ARHGAP44: variants seen among roughly 807,000 people sequenced by gnomAD.
ARHGAP44 encodes rho GTPase-activating protein 44.
ARHGAP44 carries 43 observed loss-of-function variants against 106.8 expected under a neutral mutation model. That is an observed-to-expected ratio of 0.40 (90% CI 0.32 to 0.52). ARHGAP44 has a LOEUF of 0.52. Among genes scored for constraint, ARHGAP44 ranks in the 20% least tolerant of loss-of-function variants. The pLI is 0.48. For missense variants in ARHGAP44, 866 were observed against 1,050.5 expected (o/e 0.82, Z 2.43); for synonymous variants, 439 against 410.3 (o/e 1.07, Z -0.85).
chr17:12,958,924 A>G lies in ARHGAP44; in HGVS notation c.1523+27A>G. On this transcript the variant is annotated intron_variant, in intron 16 of 20. Coordinates refer to ENST00000379672, the MANE Select transcript of ARHGAP44 (RefSeq NM_014859.6). The surrounding 1 kb of genome is among the most constrained non-coding windows in gnomAD (Gnocchi z 4.1). ...TATGAACTGGTGTCTCTTTCTCAGCACTGGGGATTAGGGGAGGTGGTGGGG... is the reference window on the plus strand; with the variant it reads ...TATGAACTGGTGTCTCTTTCTCAGCGCTGGGGATTAGGGGAGGTGGTGGGG... 1 of 1,587,626 alleles carries G rather than the reference A, an allele frequency of 6.3e-7. No individual in the cohort carries two copies. The highest frequency in any genetic ancestry group is 2.3e-5 in the East Asian group (1 of 43,966).
chr17:12,930,110 G>T (rs970565602), intron 7 of ARHGAP44, among the ~76,000 whole-genome samples: 2 of 152,224 alleles, frequency 1.3e-5, no homozygotes, highest in Admixed American at 1.3e-4. Context: ...GAGTGCAGCT[G>T]ATTTGTCATT....
chr17:12,816,498 G>T (rs2034601004), intron 1 of ARHGAP44, among the ~76,000 whole-genome samples: 1 of 152,152 alleles, frequency 6.6e-6, no homozygotes, highest in Non-Finnish European at 1.5e-5. Context: ...GCTTTAAGCT[G>T]TCATTATTTT....
intron 1 of ARHGAP44, among the ~76,000 whole-genome samples, chr17:12,852,526 T>A (rs2035782122): frequency 6.6e-6 from 1 of 150,896 alleles, no homozygotes; most frequent in Non-Finnish European, 1.5e-5. Flanking sequence ...TTGTTTTCTA[T>A]TCTCTTTGGT....
intron 1 of ARHGAP44, among the ~76,000 whole-genome samples, chr17:12,796,937 A>G (rs1212082062): frequency 6.6e-6 from 1 of 152,058 alleles, no homozygotes. Context: ...TTCTCTTGAC[A>G]TTAGTTGCCT....
intron 1 of ARHGAP44, among the ~76,000 whole-genome samples, chr17:12,795,876 C>G (rs1229661849): frequency 6.6e-6 from 1 of 152,064 alleles, no homozygotes; most frequent in African/African-American, 2.4e-5. Flanking sequence ...CAATTTCAAA[C>G]TCTTCTTTCT....
chr17:12,864,475 C>G lies in ARHGAP44; in HGVS notation c.54-30465C>G, dbSNP rs576260459. ...ATTAGGACATGATGAGTATTTGCAT[C>G]TAGTATTCTTCCAGTGCCTCACCTA... On this transcript the variant is annotated intron_variant, in intron 1 of 20. Coordinates refer to ENST00000379672, the MANE Select transcript of ARHGAP44 (RefSeq NM_014859.6). Among the ~76,000 whole-genome samples the G allele has an allele frequency of 3.9e-5, 6 of 152,184 alleles. No individual in the cohort carries two copies. The South Asian group carries it at 1.0e-3, about 26-fold the overall frequency.
Position 12,957,069 on chromosome 17 carries a change from C to A in ARHGAP44, c.1342+323C>A, listed in dbSNP as rs376700194. Among the ~76,000 whole-genome samples, 527 of 148,768 alleles carry A rather than the reference C, an allele frequency of 3.5e-3. 2 individuals are homozygous for A. The highest frequency in any genetic ancestry group is 0.01 in the African/African-American group (405 of 39,890). ...AGGTTCAAGCAATTCTCCTGCCTCA[C>A]CCCCTCTACCCACTGAGTAGCTGGG... On this transcript the variant is annotated intron_variant, in intron 15 of 20. Coordinates refer to ENST00000379672, the MANE Select transcript of ARHGAP44 (RefSeq NM_014859.6).
intron 1 of ARHGAP44, among the ~76,000 whole-genome samples, chr17:12,888,811 G>T (rs9906364): frequency 0.055 from 8,414 of 152,076 alleles, 264 homozygotes; most frequent in Admixed American, 0.084. Context: ...GTGTCTTAGT[G>T]GCTTGACCCT....
rs1239210021 is a variant in ARHGAP44 at position 12,928,990 on chromosome 17, G to T, written c.526G>T (p.Ala176Ser). 1 of 1,613,552 alleles carries T rather than the reference G, an allele frequency of 6.2e-7. No individual in the cohort carries two copies. Among genetic ancestry groups the T allele is most frequent in the South Asian group, 1.1e-5 (1 of 90,900 alleles). The change falls in exon 7 of 21, where the codon GCT (alanine) becomes TCT (serine). Residue 176 changes from alanine (A) to serine (S), a missense_variant. Transcript: ENST00000379672. ...CAGCTTACAGCCTGCGGGTGCCAAG[G>T]CTGATGCCCTCAGGGAAGAAATGGA... ...SSSLQPAGAK[A>S]DALREEMEEA...
At chr17:12,883,000 G>T (rs936615286) in intron 1 of ARHGAP44, among the ~76,000 whole-genome samples, 1 of 151,800 alleles carries the variant, frequency 6.6e-6, no homozygotes, top group Non-Finnish European at 1.5e-5. Context: ...AGTTTAGAAA[G>T]AAATATTTCT....
chr17:12,797,105 G>T (rs1406402050), intron 1 of ARHGAP44, among the ~76,000 whole-genome samples: 3 of 151,908 alleles, frequency 2.0e-5, no homozygotes, highest in African/African-American at 7.3e-5. Context: ...AATTTTTGTT[G>T]TATGTCTCTT....
chr17:12,954,089 G>T (rs1275358531), intron 13 of ARHGAP44, among the ~76,000 whole-genome samples: 4 of 151,334 alleles, frequency 2.6e-5, no homozygotes, highest in Admixed American at 2.0e-4. Flanking sequence ...GTAGAGACGG[G>T]GTTTCACCAT....
intron 1 of ARHGAP44, among the ~76,000 whole-genome samples, chr17:12,805,328 C>T (rs558302779): frequency 1.3e-5 from 2 of 152,240 alleles, no homozygotes; most frequent in East Asian, 1.9e-4. Context: ...GACTGGTGTC[C>T]ACAGTGCTTT....
At chr17:12,872,375 T>A (rs2036431723) in intron 1 of ARHGAP44, among the ~76,000 whole-genome samples, 1 of 152,224 alleles carries the variant, frequency 6.6e-6, no homozygotes, top group Non-Finnish European at 1.5e-5. Flanking sequence ...CTCGCTGGAC[T>A]TGGATTTAAG....
At position 12,789,818 on chromosome 17, in the gene ARHGAP44, T is replaced by C; in HGVS notation, c.-21T>C. On this transcript the variant is annotated 5_prime_UTR_variant, in exon 1 of 21. Coordinates refer to ENST00000379672, the MANE Select transcript of ARHGAP44 (RefSeq NM_014859.6). ...CTCCGTCCTTCCCCAGCTCCCGGGC[T>C]AGCGCGGCAGCGGGGCCACGATGAA... 1 of 1,501,282 alleles carries C rather than the reference T, an allele frequency of 6.7e-7. No individual in the cohort carries two copies. Among genetic ancestry groups the C allele is most frequent in the Non-Finnish European group, 8.9e-7 (1 of 1,126,500 alleles). The allele number at this position is 1,501,282 out of a possible 1,614,324, so 93.0% of individuals were successfully genotyped here.
chr17:12,831,648 T>C (rs562948192), intron 1 of ARHGAP44, among the ~76,000 whole-genome samples: 30 of 152,220 alleles, frequency 2.0e-4, no homozygotes, highest in African/African-American at 6.7e-4. Flanking sequence ...TTCTGATGAG[T>C]GCATTTCAGA....
At chr17:12,885,093 G>C (rs1484926835) in intron 1 of ARHGAP44, among the ~76,000 whole-genome samples, 1 of 152,118 alleles carries the variant, frequency 6.6e-6, no homozygotes, top group Non-Finnish European at 1.5e-5. Context: ...TAGAGATGGG[G>C]TTTCACCATA....
At chr17:12,848,430 C>T (rs1295129609) in intron 1 of ARHGAP44, among the ~76,000 whole-genome samples, 3 of 152,122 alleles carry the variant, frequency 2.0e-5, no homozygotes, top group Non-Finnish European at 2.9e-5. Flanking sequence ...TTGTCAGCAT[C>T]GACCCACTCA....
chr17:12,941,179 G>T, intron 8 of ARHGAP44, 55 bp downstream of exon 8: 1 of 1,526,794 alleles, frequency 6.5e-7, no homozygotes, highest in Non-Finnish European at 9.1e-7. Context: ...AGAAGGGAAT[G>T]TGGGCATGGA....
Sources: gnomAD v4.1 joint callset for allele counts (sites outside exome capture counted in the v4.1 genomes callset) on GRCh38, gnomAD v4.1.1 for gene constraint, Gnocchi (gnomAD v3.1) non-coding constraint, MANE v1.5 for transcripts, NCBI Gene and HGNC (gene_info 2026-07-23, HGNC 2026-07-21) for gene names.